WIPF3: variants seen among roughly 807,000 people sequenced by gnomAD.
WIPF3 encodes WAS/WASL interacting protein family member 3, also known as WAS/WASL-interacting protein family member 3.
WIPF3 carries 33 observed loss-of-function variants against 38.9 expected under a neutral mutation model. The observed-to-expected ratio is 0.85, with a 90% CI of 0.64 to 1.14. The LOEUF (loss-of-function observed/expected upper bound fraction) is 1.14. Among genes scored for constraint, WIPF3 ranks in the 50% most tolerant of loss-of-function variants. The probability of loss-of-function intolerance (pLI) is 0.00; values close to 1 mark genes in which losing one functional copy is unlikely to be tolerated. For synonymous variants in WIPF3, 324 were observed against 269.3 expected (o/e 1.20, Z -1.99); for missense variants, 711 against 652.5 (o/e 1.09, Z -0.98).
intron 2 of WIPF3, among the ~76,000 whole-genome samples, chr7:29,846,306 A>C (rs1784999730): frequency 6.6e-6 from 1 of 152,222 alleles, no homozygotes; most frequent in African/African-American, 2.4e-5. Context: ...CATGCTAGCA[A>C]TAGATTTCCA....
intron 2 of WIPF3, among the ~76,000 whole-genome samples, chr7:29,865,869 G>T (rs1785377654): frequency 6.6e-6 from 1 of 152,200 alleles, no homozygotes; most frequent in Non-Finnish European, 1.5e-5. Context: ...GTAAGACAAG[G>T]AAGTCTAGGC....
chr7:29,901,345 C>A (rs1012607798), intron 7 of WIPF3, among the ~76,000 whole-genome samples: 1 of 151,020 alleles, frequency 6.6e-6, no homozygotes, highest in Non-Finnish European at 1.5e-5. Flanking sequence ...TCTGACAAAC[C>A]CTGACTAAGT....
Position 29,907,236 on chromosome 7 carries a change from G to C in WIPF3, c.1428+2874G>C, listed in dbSNP as rs149042201. 2.6e-4 allele frequency among the ~76,000 whole-genome samples: 39 copies of C among 152,166 alleles called. No homozygotes were observed. The East Asian group carries it at 7.1e-3, about 28-fold the overall frequency. On this transcript the variant is annotated intron_variant, in intron 8 of 8. Coordinates refer to ENST00000242140, the MANE Select transcript of WIPF3 (RefSeq NM_001080529.3). The stretch of plus-strand genomic sequence containing the variant: ...TAAAAGCTAGTGTTATTGTAACTTT[G>C]GTTTGTAACTATATATTTAGGGTTA...
At chr7:29,855,994 AC>A (rs1319336027) in intron 2 of WIPF3, among the ~76,000 whole-genome samples, 1 of 152,138 alleles carries the variant, frequency 6.6e-6, no homozygotes, top group Non-Finnish European at 1.5e-5. Context: ...TTATCTGGTA[AC>A]CCTATGTCTC....
chr7:29,813,436 G>A (rs951820364), intron 1 of WIPF3, among the ~76,000 whole-genome samples: 4 of 152,178 alleles, frequency 2.6e-5, no homozygotes, highest in African/African-American at 9.7e-5. Flanking sequence ...CAGCACCCAT[G>A]CACTCACACA....
chr7:29,861,059 G>A (rs575334931), intron 2 of WIPF3, among the ~76,000 whole-genome samples: 2 of 152,252 alleles, frequency 1.3e-5, no homozygotes, highest in East Asian at 1.9e-4. Flanking sequence ...CACTAAGCTC[G>A]TTCTTAAATG....
At chr7:29,891,168 A>G (rs1303416002) in intron 7 of WIPF3, among the ~76,000 whole-genome samples, 13 of 26,210 alleles carry the variant, frequency 5.0e-4, no homozygotes, top group South Asian at 2.5e-3. Flanking sequence ...GCTCAGGTGG[A>G]GGGGGCGCGG....
At chr7:29,903,871 G>A (rs750653887) in intron 7 of WIPF3, among the ~76,000 whole-genome samples, 13 of 152,060 alleles carry the variant, frequency 8.5e-5, no homozygotes, top group Non-Finnish European at 1.6e-4. Flanking sequence ...TATGTAACTT[G>A]TGTAATACTT....
intron 2 of WIPF3, among the ~76,000 whole-genome samples, chr7:29,839,452 G>C (rs754865662): frequency 1.3e-5 from 2 of 152,156 alleles, no homozygotes; most frequent in Non-Finnish European, 2.9e-5. Flanking sequence ...CTTTAAAATG[G>C]ATCAAACTTA....
chr7:29,901,650 A>G (rs1488195202), intron 7 of WIPF3, among the ~76,000 whole-genome samples: 1 of 151,212 alleles, frequency 6.6e-6, no homozygotes, highest in Non-Finnish European at 1.5e-5. Context: ...CTATTTTTCT[A>G]TTTGAAGCCC....
At chr7:29,836,946 G>T (rs1202925008) in intron 2 of WIPF3, among the ~76,000 whole-genome samples, 1 of 151,296 alleles carries the variant, frequency 6.6e-6, no homozygotes, top group Non-Finnish European at 1.5e-5. Context: ...AGCCAACATC[G>T]CACCACTGCA....
intron 8 of WIPF3, among the ~76,000 whole-genome samples, chr7:29,913,426 T>A (rs1485632458): frequency 6.6e-6 from 1 of 152,168 alleles, no homozygotes; most frequent in African/African-American, 2.4e-5. Flanking sequence ...GAAAAAATGT[T>A]AATAGGCATT....
intron 1 of WIPF3, among the ~76,000 whole-genome samples, chr7:29,832,972 C>T (rs1200383203): frequency 2.0e-5 from 3 of 152,166 alleles, no homozygotes; most frequent in Admixed American, 1.3e-4. Flanking sequence ...GTGGTGTATA[C>T]GTACAATGGA....
At chr7:29,816,248 C>T (rs1261580467) in intron 1 of WIPF3, among the ~76,000 whole-genome samples, 1 of 152,118 alleles carries the variant, frequency 6.6e-6, no homozygotes, top group African/African-American at 2.4e-5. Context: ...GTACTCTATC[C>T]TCAGACCACC....
At chr7:29,852,592 T>C (rs1240963428) in intron 2 of WIPF3, among the ~76,000 whole-genome samples, 1 of 152,232 alleles carries the variant, frequency 6.6e-6, no homozygotes, top group African/African-American at 2.4e-5. Flanking sequence ...CTCAGTTCCC[T>C]GATTCACTGC....
chr7:29,849,622 GA>G (rs2128068364), intron 2 of WIPF3, among the ~76,000 whole-genome samples: 2 of 152,336 alleles, frequency 1.3e-5, no homozygotes, highest in South Asian at 4.1e-4. Context: ...AGAAGGTGGT[GA>G]GGGGGAAGGA....
At chr7:29,885,921 C>T (rs899807999) in intron 5 of WIPF3, among the ~76,000 whole-genome samples, 3 of 152,078 alleles carry the variant, frequency 2.0e-5, no homozygotes, top group Non-Finnish European at 4.4e-5. Flanking sequence ...TATATGTACA[C>T]GTTTACATGG....
Position 29,916,545 on chromosome 7 carries a change from T to C in WIPF3, c.*2029T>C, listed in dbSNP as rs1786619017. 1 of 152,102 alleles carries C rather than the reference T, an allele frequency of 6.6e-6. No individual in the cohort carries two copies. The allele number at this position is 152,102 out of a possible 1,614,324, so 9.4% of individuals were successfully genotyped here. A position where few individuals can be genotyped will look rare whatever the true frequency, so the allele number is the denominator to read the frequency against. On this transcript the variant is annotated 3_prime_UTR_variant, in exon 9 of 9. Transcript: ENST00000242140. ...GCCTGGCCAACATGGTGAAACCCTG[T>C]CTACTCAAATACAAAAAATTAGCCA...
At chr7:29,806,928 C>A (rs910701294) in intron 1 of WIPF3, among the ~76,000 whole-genome samples, 1 of 151,466 alleles carries the variant, frequency 6.6e-6, no homozygotes, top group Non-Finnish European at 1.5e-5. Context: ...CGGGCCGGGC[C>A]GGGCGGAAAC....
Sources: allele counts gnomAD v4.1 joint callset (sites outside exome capture counted in the v4.1 genomes callset), GRCh38; gene constraint gnomAD v4.1.1; transcripts MANE v1.5; gene names NCBI Gene and HGNC (gene_info 2026-07-23, HGNC 2026-07-21).